Variants in ATP5MC1 observed in about 807,000 individuals in gnomAD.
ATP5MC1 encodes ATP synthase membrane subunit c locus 1.
Under a neutral mutation model 12.1 loss-of-function variants are expected in ATP5MC1, and 4 were observed. That is an observed-to-expected ratio of 0.33 (90% confidence interval 0.16 to 0.76). The LOEUF (loss-of-function observed/expected upper bound fraction) is 0.76, where lower values mean the gene tolerates loss of function less well. ATP5MC1 is among the 30% of genes least tolerant of loss of function. The pLI is 0.61. For synonymous variants in ATP5MC1, 52 were observed against 66.0 expected, an observed-to-expected ratio of 0.79 and a Z score of 1.03; for missense variants, 117 against 172.1, an observed-to-expected ratio of 0.68 and a Z score of 1.79.
In ATP5MC1 at chr17:48,895,138, C is replaced by T. The variant is rs1191097129; in HGVS notation, c.118-18C>T. 2 of 1,593,630 alleles carry T rather than the reference C, an allele frequency of 1.3e-6. No individual in the cohort carries two copies. Among genetic ancestry groups the T allele is most frequent in the African/African-American group, 2.7e-5 (2 of 74,636 alleles). On this transcript the variant is annotated intron_variant, in intron 3 of 4. Coordinates refer to ENST00000393366, the MANE Select transcript of ATP5MC1 (RefSeq NM_005175.3). ...TACTATCTCTCTGCTATCTCGCCTG[C>T]CTTGCTTCTCTTTCTAGCCTTCCTA...
chr17:48,895,849 A>G lies in ATP5MC1; in HGVS notation c.*80A>G, dbSNP rs976128510. 3 of 1,341,190 alleles carry G rather than the reference A, an allele frequency of 2.2e-6. No homozygotes were observed. In the African/African-American group the frequency reaches 4.3e-5, roughly 19 times the overall value. The allele number at this position is 1,341,190 out of a possible 1,614,324, so 83.1% of individuals were successfully genotyped here. ...GTGCTGGGGTGTGTTAAGCTTTACC[A>G]TTAAACACAACGTTTCTCTAAACCC... is the stretch of plus-strand genomic sequence containing the variant. On this transcript the variant is annotated 3_prime_UTR_variant, in exon 5 of 5. Transcript: ENST00000393366.
chr17:48,895,597 C>A, intron 4 of ATP5MC1, 58 bp from the exon 5 acceptor site: 1 of 1,470,030 alleles, frequency 6.8e-7, no homozygotes, highest in Non-Finnish European at 9.5e-7. Flanking sequence ...CTCCTGTGTC[C>A]TCCCCTCCCC....
intron 2 of ATP5MC1, 25 bp downstream of exon 2, chr17:48,893,481 T>C: frequency 6.2e-7 from 1 of 1,613,048 alleles, no homozygotes; most frequent in East Asian, 2.2e-5. Flanking sequence ...CGCAGTGCTC[T>C]GTAGTACCAG....
chr17:48,895,088 G>T, intron 3 of ATP5MC1, 68 bp from the exon 4 acceptor site: 1 of 1,558,154 alleles, frequency 6.4e-7, no homozygotes, highest in Non-Finnish European at 8.7e-7. Context: ...GAAGGAGGTA[G>T]AGTCAGCCAC....
In ATP5MC1 at chr17:48,893,332, C is replaced by G. The variant is rs989649982; in HGVS notation, c.-9-77C>G. The G allele has an allele frequency of 2.7e-6, 4 of 1,493,478 alleles. No homozygotes were observed. The African/African-American group carries it at 5.6e-5, about 21-fold the overall frequency. 92.5% of individuals were successfully genotyped at this position (1,493,478 alleles called of 1,614,324 possible). ...GGAGGACGGACGGGGGTGAAGGGGA[C>G]GACCAAAGGTCGTCATTATAAGCAA... is the stretch of plus-strand genomic sequence containing the variant. On this transcript the variant is annotated intron_variant, in intron 1 of 4. Coordinates refer to ENST00000393366, the MANE Select transcript of ATP5MC1 (RefSeq NM_005175.3).
rs568921629 is a variant in ATP5MC1 at position 48,893,629 on chromosome 17, T to TCTTG, written c.39+174_39+177dup. 1.9e-5 allele frequency: 14 copies of TCTTG among 731,964 alleles called. No homozygotes were observed. The South Asian group carries it at 2.3e-4, about 12-fold the overall frequency. The allele number at this position is 731,964 out of a possible 1,614,324, so 45.3% of individuals were successfully genotyped here. On this transcript the variant is annotated intron_variant, in intron 2 of 4. Coordinates refer to ENST00000393366, the MANE Select transcript of ATP5MC1 (RefSeq NM_005175.3). ...TTATCTGGGCCTGTGAACCAAGCTA[T>TCTTG]CTTGGCTTTGGAATGTGGTCAGAGA...
intron 2 of ATP5MC1, 102 bp downstream of exon 2, chr17:48,893,558 T>A: frequency 7.4e-7 from 1 of 1,360,418 alleles, no homozygotes; most frequent in Non-Finnish European, 1.0e-6. Context: ...CCTGATGATG[T>A]AGGCTCTTTG....
intron 4 of ATP5MC1, 126 bp from the exon 5 acceptor site, chr17:48,895,529 C>G (rs1408848954): frequency 1.1e-5 from 14 of 1,284,498 alleles, no homozygotes; most frequent in Admixed American, 8.8e-5. Flanking sequence ...ATCCAAATCC[C>G]CAGGATCTGT....
chr17:48,894,451 T>A lies in ATP5MC1; in HGVS notation c.117+2T>A. ...AGCCCAGTGAATTCATCTAAACAGG[T>A]AAGGGAGGAATAGCTCTCTTAGGAA... On this transcript the variant is annotated splice_donor_variant, in intron 3 of 4. Transcript: ENST00000393366. LOFTEE classifies it high-confidence loss of function. 6.2e-7 allele frequency: 1 copy of A among 1,612,570 alleles called. No homozygotes were observed. Among genetic ancestry groups the A allele is most frequent in the Non-Finnish European group, 8.5e-7 (1 of 1,179,638 alleles).
In ATP5MC1 at chr17:48,895,296, T is replaced by C. The variant is rs943347195; in HGVS notation, c.258T>C (p.Ile86=). ...GTGTGGCTGGTTCAGGGGCTGGCATTGGAACCGTGTTTGGCAGCTTGATCA... is the reference window on the plus strand; with the variant it reads ...GTGTGGCTGGTTCAGGGGCTGGCATCGGAACCGTGTTTGGCAGCTTGATCA... ...TVGVAGSGAG[I]GTVFGSLIIG... The change falls in exon 4 of 5, where the codon ATT becomes ATC. Residue 86 remains isoleucine (I), a synonymous_variant. Transcript: ENST00000393366. 3.1e-6 allele frequency: 5 copies of C among 1,603,230 alleles called. No individual in the cohort carries two copies. The African/African-American group carries it at 6.7e-5, about 21-fold the overall frequency.
At chr17:48,893,581 G>C in intron 2 of ATP5MC1, 125 bp downstream of exon 2, 1 of 1,130,356 alleles carries the variant, frequency 8.8e-7, no homozygotes, top group Non-Finnish European at 1.3e-6. Flanking sequence ...GTGGCTGTAG[G>C]ATGTGATGAA....
chr17:48,895,355 G>T (rs757640955), intron 4 of ATP5MC1, 21 bp downstream of exon 4: 7 of 1,568,856 alleles, frequency 4.5e-6, no homozygotes, highest in Non-Finnish European at 6.1e-6. Context: ...GTGGTCTACA[G>T]CATCTCCCAC....
Position 48,894,309 on chromosome 17 carries a change from CT to C in ATP5MC1, c.40-62del, listed in dbSNP as rs1306389295. ...TGAAATCTGTAGTCATTTTTGACAG[CT>C]CAGCAATTAGGATTTTTTTTCCTTG... is the stretch of plus-strand genomic sequence containing the variant. On this transcript the variant is annotated intron_variant, in intron 2 of 4. Transcript: ENST00000393366. 5.4e-6 allele frequency: 8 copies of C among 1,491,724 alleles called. No homozygotes were observed. The African/African-American group carries it at 1.1e-4, about 21-fold the overall frequency. The allele number at this position is 1,491,724 out of a possible 1,614,324, so 92.4% of individuals were successfully genotyped here.
intron 2 of ATP5MC1, 126 bp downstream of exon 2, chr17:48,893,582 A>T: frequency 8.9e-7 from 1 of 1,118,106 alleles, no homozygotes; most frequent in Non-Finnish European, 1.3e-6. Flanking sequence ...TGGCTGTAGG[A>T]TGTGATGAAG....
At chr17:48,893,679 G>A in intron 2 of ATP5MC1, 1 of 605,214 alleles carries the variant, frequency 1.7e-6, no homozygotes, top group Non-Finnish European at 2.9e-6. Context: ...TTTATCCCCA[G>A]TCTGTCCTGG....
chr17:48,895,426 G>C (rs2040564044), intron 4 of ATP5MC1, 92 bp downstream of exon 4: 8 of 1,491,472 alleles, frequency 5.4e-6, no homozygotes, highest in Admixed American at 4.6e-5. Context: ...GGAGCCTTCA[G>C]GTTGATTTCA....
intron 4 of ATP5MC1, 140 bp from the exon 5 acceptor site, chr17:48,895,515 G>A (rs987978943): frequency 7.9e-6 from 10 of 1,269,162 alleles, no homozygotes; most frequent in Non-Finnish European, 1.1e-5. Context: ...CACTCTGCTT[G>A]TCCATCCAAA....
chr17:48,894,337 C>G, intron 2 of ATP5MC1, 35 bp from the exon 3 acceptor site: 1 of 1,600,604 alleles, frequency 6.2e-7, no homozygotes, highest in Non-Finnish European at 8.5e-7. Context: ...TTTTCCTTGA[C>G]TGATTTGGTA....
chr17:48,895,609 CA>C, intron 4 of ATP5MC1, 45 bp from the exon 5 acceptor site: 1 of 1,550,696 alleles, frequency 6.4e-7, no homozygotes, highest in Non-Finnish European at 8.9e-7. Context: ...CCCCTCCCCT[CA>C]CCCCTTCCTC....
Sources: gnomAD v4.1 joint callset for allele counts on GRCh38, gnomAD v4.1.1 for gene constraint, MANE v1.5 for transcripts, NCBI Gene and HGNC (gene_info 2026-07-23, HGNC 2026-07-21) for gene names.